The following USP36 variants were observed in gnomAD, a reference collection of about 807,000 sequenced individuals.
The protein encoded by USP36 is ubiquitin carboxyl-terminal hydrolase 36.
A neutral mutation model predicts 111.5 loss-of-function variants in USP36; 59 were observed. The ratio of observed to expected loss-of-function variants is 0.53; its 90% CI spans 0.43 to 0.66. USP36 has a LOEUF of 0.66. Ranked by LOEUF, USP36 falls within the 30% of genes least tolerant of loss-of-function variation. USP36 has a pLI of 0.00. For synonymous variants in USP36, 628 were observed against 581.0 expected (o/e 1.08, Z -1.16); for missense variants, 1,488 against 1,468.0 (o/e 1.01, Z -0.22).
chr17:78,804,755 GCAATT>G (rs1243275276), intron 15 of USP36, among the ~76,000 whole-genome samples: 2 of 148,550 alleles, frequency 1.3e-5, no homozygotes, highest in Non-Finnish European at 3.0e-5. Context: ...TTGTCACCAA[GCAATT>G]CAAGTATTTT....
At chr17:78,814,272 G>C (rs750180001) in intron 11 of USP36, 140 bp downstream of exon 11, 62 of 1,165,786 alleles carry the variant, frequency 5.3e-5, no homozygotes, top group Non-Finnish European at 6.9e-5. Flanking sequence ...TCCACGCAGA[G>C]AGGCAACAAC....
chr17:78,788,093 G>A (rs1437486091), intron 3 of USP36, among the ~76,000 whole-genome samples: 1 of 152,174 alleles, frequency 6.6e-6, no homozygotes, highest in Non-Finnish European at 1.5e-5. Flanking sequence ...CCTTTGTTAT[G>A]GCAGCCTCAG....
Position 78,799,671 on chromosome 17 carries a change from T to C in USP36, c.3120A>G (p.Arg1040=). ...GTCCTGTCTCCAAATCAGTACCTTT[T>C]CTCCCGTAAGCTTTATCAGATGAGT... The part of the protein sequence containing the change: ...LKYSSDKAYG[R]KVLTWDGKMS... The change falls in exon 18 of 21, where the codon AGA becomes AGG. Residue 1040 remains arginine, a synonymous_variant. Coordinates refer to ENST00000449938, the MANE Select transcript of USP36 (RefSeq NM_001385174.1). 2 of 1,611,722 alleles carry C rather than the reference T, an allele frequency of 1.2e-6. No homozygotes were observed. The highest frequency in any genetic ancestry group is 1.7e-6 in the Non-Finnish European group (2 of 1,179,226).
chr17:78,838,430 T>TA (rs1042165126), intron 2 of USP36, among the ~76,000 whole-genome samples, 157 bp downstream of exon 2: 19 of 150,510 alleles, frequency 1.3e-4, no homozygotes, highest in South Asian at 4.2e-4. Context: ...GAAGCTTATT[T>TA]AAAAAAAAGC....
intron 13 of USP36, among the ~76,000 whole-genome samples, chr17:78,808,516 G>C (rs1407622138): frequency 6.6e-6 from 1 of 152,202 alleles, no homozygotes; most frequent in South Asian, 2.1e-4. Flanking sequence ...CTCTCAAAGT[G>C]CTGGGATTAC....
At chr17:78,813,993 T>A in intron 11 of USP36, 120 bp from the exon 12 acceptor site, 1 of 819,186 alleles carries the variant, frequency 1.2e-6, no homozygotes, top group Non-Finnish European at 1.9e-6. Flanking sequence ...CTATTAATAA[T>A]CAACAGGTAA....
chr17:78,826,873 CA>C (rs1050277287), intron 6 of USP36: 2 of 573,726 alleles, frequency 3.5e-6, no homozygotes, highest in Admixed American at 6.0e-5. Flanking sequence ...AACCTCTTTT[CA>C]AAAACGACAT....
intron 15 of USP36, among the ~76,000 whole-genome samples, chr17:78,805,657 G>C (rs2093878418): frequency 6.6e-6 from 1 of 152,230 alleles, no homozygotes; most frequent in Admixed American, 6.5e-5. Flanking sequence ...GCACAGGGAA[G>C]GGGCTGCATC....
In USP36 at chr17:78,807,324, T is replaced by C; in HGVS notation, c.1720A>G (p.Ser574Gly). 6.2e-7 allele frequency: 1 copy of C among 1,614,224 alleles called. No individual in the cohort carries two copies. The highest frequency in any genetic ancestry group is 1.7e-5 in the Admixed American group (1 of 60,026). Residue 574 changes from serine (S) to glycine (G), a missense_variant, in exon 14 of 21, where the codon AGC (serine) becomes GGC (glycine). Ser to Gly is a moderately conservative substitution (Grantham distance 56). Around this residue, in one of 3 missense-constraint regions of USP36, gnomAD observed 1,073 missense variants for 994.1 expected, o/e 1.08. Coordinates refer to ENST00000449938, the MANE Select transcript of USP36 (RefSeq NM_001385174.1). ...SGSQRQGSWDSRDVVLSTSPK... is the reference protein window; with the variant it reads ...SGSQRQGSWDGRDVVLSTSPK... ...GAGGTAGAGAGGACAACATCCCTGC[T>C]GTCCCAGGAGCCCTGCCTTTGGCTC...
In USP36 at chr17:78,807,405, G is replaced by A. The variant is rs1209383618; in HGVS notation, c.1639C>T (p.Pro547Ser). The change falls in exon 14 of 21, where the codon CCC becomes TCC. Residue 547 changes from proline to serine, a missense_variant. This residue lies in a region of USP36 where 1,073 missense variants were observed against 994.1 expected (regional missense o/e 1.08). Coordinates refer to ENST00000449938, the MANE Select transcript of USP36 (RefSeq NM_001385174.1). ...KKPAPPQHFS[P>S]RTAQGLPGTS... ...CCAGGCAGCCCCTGAGCAGTTCTGG[G>A]GGAAAAGTGCTGTGGAGGAGCTGGC... 5.0e-6 allele frequency: 8 copies of A among 1,614,076 alleles called. No individual in the cohort carries two copies. The East Asian group carries it at 1.3e-4, about 27-fold the overall frequency.
At chr17:78,822,056 G>A (rs2094342959) in intron 6 of USP36, 52 bp from the exon 7 acceptor site, 2 of 1,605,806 alleles carry the variant, frequency 1.2e-6, no homozygotes, top group Non-Finnish European at 1.7e-6. Context: ...GATGACACGA[G>A]GGATGGCCCC....
At chr17:78,832,261 C>G (rs1033431338) in intron 4 of USP36, among the ~76,000 whole-genome samples, 1 of 152,224 alleles carries the variant, frequency 6.6e-6, no homozygotes, top group East Asian at 1.9e-4. Context: ...CTCCGTGCCA[C>G]GTGCACAGTG....
chr17:78,837,635 C>T (rs1033426780), intron 2 of USP36, among the ~76,000 whole-genome samples: 3 of 152,158 alleles, frequency 2.0e-5, no homozygotes, highest in Non-Finnish European at 4.4e-5. Context: ...ACTTGCCCTC[C>T]CCTACCCACC....
At chr17:78,806,780 A>T (rs2093913645) in intron 14 of USP36, among the ~76,000 whole-genome samples, 179 bp downstream of exon 14, 1 of 152,156 alleles carries the variant, frequency 6.6e-6, no homozygotes, top group Non-Finnish European at 1.5e-5. Flanking sequence ...TACTGCCTTC[A>T]CCCCAAGATA....
Position 78,825,729 on chromosome 17 carries a change from G to A in USP36, c.689+1516C>T, listed in dbSNP as rs2067476013. Reference sequence around the variant, plus strand: ...GACTGAAGCCCAGGGGTCAGTTTCTGTCCTAAGAGCGCTCCAGGTGGCTGC... The same window carrying A: ...GACTGAAGCCCAGGGGTCAGTTTCTATCCTAAGAGCGCTCCAGGTGGCTGC... On this transcript the variant is annotated intron_variant, in intron 6 of 20. Coordinates refer to ENST00000449938, the MANE Select transcript of USP36 (RefSeq NM_001385174.1). Among the ~76,000 whole-genome samples the A allele has an allele frequency of 4.6e-5, 7 of 152,070 alleles. No homozygotes were observed. The South Asian group carries it at 1.5e-3, about 32-fold the overall frequency.
intron 9 of USP36, 121 bp from the exon 10 acceptor site, chr17:78,818,899 A>T: frequency 1.0e-6 from 1 of 993,000 alleles, no homozygotes; most frequent in South Asian, 1.5e-5. Flanking sequence ...TTCATCAATG[A>T]GATTTCGACC....
intron 9 of USP36, among the ~76,000 whole-genome samples, chr17:78,819,637 C>A (rs1426174003): frequency 6.6e-6 from 1 of 152,264 alleles, no homozygotes; most frequent in Non-Finnish European, 1.5e-5. Flanking sequence ...GGTCACTTCA[C>A]TTCTCTGTGC....
In USP36 at chr17:78,806,239, G is replaced by A; in HGVS notation, c.2133C>T (p.Pro711=). The A allele has an allele frequency of 6.2e-7, 1 of 1,613,870 alleles. No individual in the cohort carries two copies. The highest frequency in any genetic ancestry group is 8.5e-7 in the Non-Finnish European group (1 of 1,180,008). The change falls in exon 15 of 21, where the codon CCC becomes CCT. Residue 711 remains proline (P), a synonymous_variant. Coordinates refer to ENST00000449938, the MANE Select transcript of USP36 (RefSeq NM_001385174.1). ...RATGNDLRPP[P]PSPSSDLTHP... is the part of the protein sequence containing the mutation. ...GGGTGAGGTCGGAGGATGGTGAGGG[G>A]GGAGGTGGACGGAGGTCATTGCCGG...
At chr17:78,806,407 G>A (rs2093902989) in intron 14 of USP36, 121 bp from the exon 15 acceptor site, 2 of 1,376,412 alleles carry the variant, frequency 1.5e-6, no homozygotes, top group Middle Eastern at 2.4e-4. Flanking sequence ...AAAAAGATGA[G>A]GAGACAGAAG....
Sources: allele counts gnomAD v4.1 joint callset (sites outside exome capture counted in the v4.1 genomes callset), GRCh38; gene constraint gnomAD v4.1.1; regional missense constraint gnomAD v4.1.1; transcripts MANE v1.5; gene names NCBI Gene and HGNC (gene_info 2026-07-23, HGNC 2026-07-21).